The following ATRNL1 variants were observed in gnomAD, a reference collection of about 807,000 sequenced individuals.
ATRNL1 encodes attractin like 1.
Under a neutral mutation model 182.7 loss-of-function variants are expected in ATRNL1, and 95 were observed. That is an observed-to-expected ratio of 0.52 (90% CI 0.44 to 0.62). The LOEUF is 0.62. Ranked by LOEUF, ATRNL1 falls within the 20% of genes least tolerant of loss-of-function variation. The pLI, the probability that ATRNL1 is intolerant of heterozygous loss-of-function variation, is 0.00. For synonymous variants in ATRNL1, 576 were observed against 568.3 expected (o/e 1.01, Z -0.19); for missense variants, 1,471 against 1,679.5 (o/e 0.88, Z 2.17).
Position 115,426,998 on chromosome 10 carries a change from C to T in ATRNL1, c.3322+696C>T, listed in dbSNP as rs532410977. On this transcript the variant is annotated intron_variant, in intron 21 of 28. Coordinates refer to ENST00000355044, the MANE Select transcript of ATRNL1 (RefSeq NM_207303.4). ...TTGGCCTCCCAAAGTGCTGTGATTA[C>T]AGGCGTGAGCCACTGCACCTAGCTT... 5.9e-5 allele frequency among the ~76,000 whole-genome samples: 9 copies of T among 152,310 alleles called. No individual in the cohort carries two copies. The South Asian group carries it at 1.9e-3, about 32-fold the overall frequency.
At chr10:115,433,771 A>G (rs1554964402) in intron 21 of ATRNL1, among the ~76,000 whole-genome samples, 1 of 152,240 alleles carries the variant, frequency 6.6e-6, no homozygotes, top group Admixed American at 6.5e-5. Flanking sequence ...TAGAAGAAGG[A>G]TGAAAATTTA....
chr10:115,155,343 A>T lies in ATRNL1; in HGVS notation c.830-4697A>T, dbSNP rs192918439. Among the ~76,000 whole-genome samples, 3 of 152,152 alleles carry T rather than the reference A, an allele frequency of 2.0e-5. No individual in the cohort carries two copies. In the East Asian group the frequency reaches 5.8e-4, roughly 29 times the overall value. ...ATATATGGGGACTTAATTATACTTA[A>T]TTTTTTTGTGTATAAAATGAGAAGG... is the stretch of plus-strand genomic sequence containing the variant. On this transcript the variant is annotated intron_variant, in intron 5 of 28. Coordinates refer to ENST00000355044, the MANE Select transcript of ATRNL1 (RefSeq NM_207303.4).
At chr10:115,678,623 A>T (rs952121606) in intron 26 of ATRNL1, among the ~76,000 whole-genome samples, 2 of 152,140 alleles carry the variant, frequency 1.3e-5, no homozygotes, top group African/African-American at 4.8e-5. Context: ...AATAAGTATT[A>T]ACATTAAAGA....
rs1175207493 is a variant in ATRNL1, at chr10:115,215,677, G to A, written c.1349-20G>A. 2 of 1,545,088 alleles carry A rather than the reference G, an allele frequency of 1.3e-6. No homozygotes were observed. Among genetic ancestry groups the A allele is most frequent in the South Asian group, 2.6e-5 (2 of 78,368 alleles). On this transcript the variant is annotated intron_variant, in intron 8 of 28. Transcript: ENST00000355044. The stretch of plus-strand genomic sequence containing the variant: ...AAAAATACTACTTGAAATTTATAAT[G>A]TATTTTATTTCTGTTACAGCATCAA...
intron 27 of ATRNL1, among the ~76,000 whole-genome samples, chr10:115,800,813 A>G (rs1331489550): frequency 6.6e-6 from 1 of 152,214 alleles, no homozygotes; most frequent in African/African-American, 2.4e-5. Flanking sequence ...GAGGAGAGTC[A>G]TCACCAGAAC....
At chr10:115,540,544 G>A (rs1366852945) in intron 25 of ATRNL1, among the ~76,000 whole-genome samples, 1 of 151,998 alleles carries the variant, frequency 6.6e-6, no homozygotes, top group East Asian at 1.9e-4. Context: ...GGTGGATCAC[G>A]AGGTCAGGAG....
At chr10:115,115,852 A>G (rs1844461298) in intron 1 of ATRNL1, among the ~76,000 whole-genome samples, 1 of 152,104 alleles carries the variant, frequency 6.6e-6, no homozygotes, top group Non-Finnish European at 1.5e-5. Flanking sequence ...AGACAACAAC[A>G]TCCCACTAGA....
At chr10:115,527,834 C>G (rs987307773) in intron 25 of ATRNL1, among the ~76,000 whole-genome samples, 13 of 122,446 alleles carry the variant, frequency 1.1e-4, no homozygotes, top group Admixed American at 1.6e-4. Flanking sequence ...TCCTCCCTTC[C>G]TCCCTCCCTC....
intron 26 of ATRNL1, among the ~76,000 whole-genome samples, chr10:115,603,225 C>T (rs1555016593): frequency 6.6e-6 from 1 of 152,126 alleles, no homozygotes; most frequent in Non-Finnish European, 1.5e-5. Context: ...ACTGAAAATT[C>T]CAAGCTAATG....
At chr10:115,921,448 G>C (rs1953059202) in intron 28 of ATRNL1, among the ~76,000 whole-genome samples, 1 of 152,092 alleles carries the variant, frequency 6.6e-6, no homozygotes, top group African/African-American at 2.4e-5. Flanking sequence ...AAAAGATAAA[G>C]AAGAAAACTC....
intron 28 of ATRNL1, among the ~76,000 whole-genome samples, chr10:115,938,403 C>A (rs1266826829): frequency 6.6e-6 from 1 of 152,176 alleles, no homozygotes; most frequent in East Asian, 1.9e-4. Context: ...ATTGCTGTCT[C>A]TTCAGGTCAT....
At chr10:115,581,783 G>A (rs1855103329) in intron 26 of ATRNL1, among the ~76,000 whole-genome samples, 1 of 151,198 alleles carries the variant, frequency 6.6e-6, no homozygotes, top group Non-Finnish European at 1.5e-5. Flanking sequence ...TAGGGTACAT[G>A]TGCACAATGT....
At chr10:115,851,734 T>C (rs1951061558) in intron 28 of ATRNL1, among the ~76,000 whole-genome samples, 1 of 152,186 alleles carries the variant, frequency 6.6e-6, no homozygotes, top group Non-Finnish European at 1.5e-5. Context: ...GCTTCATTTC[T>C]GTATTTTCTG....
chr10:115,836,931 A>G (rs1395515876), intron 27 of ATRNL1, among the ~76,000 whole-genome samples: 2 of 152,124 alleles, frequency 1.3e-5, no homozygotes, highest in Non-Finnish European at 2.9e-5. Flanking sequence ...GGCGCCACCC[A>G]ATGACAGAAG....
chr10:115,760,717 CAG>C (rs1174125049), intron 27 of ATRNL1, among the ~76,000 whole-genome samples: 8 of 152,168 alleles, frequency 5.3e-5, no homozygotes, highest in Admixed American at 3.9e-4. Flanking sequence ...TTTCAGATGA[CAG>C]AAACAGATAG....
At chr10:115,834,438 C>G (rs1287807450) in intron 27 of ATRNL1, among the ~76,000 whole-genome samples, 2 of 152,152 alleles carry the variant, frequency 1.3e-5, no homozygotes, top group Non-Finnish European at 2.9e-5. Flanking sequence ...CTCAACAACT[C>G]TTCTTTTCTG....
chr10:115,865,046 A>C (rs1180545737), intron 28 of ATRNL1, among the ~76,000 whole-genome samples: 1 of 152,092 alleles, frequency 6.6e-6, no homozygotes, highest in Non-Finnish European at 1.5e-5. Context: ...AAACAAAACC[A>C]CCAAAACTCT....
At chr10:115,392,525 G>T (rs1184718929) in intron 19 of ATRNL1, among the ~76,000 whole-genome samples, 1 of 152,070 alleles carries the variant, frequency 6.6e-6, no homozygotes, top group Non-Finnish European at 1.5e-5. Flanking sequence ...TATTCCATAT[G>T]TTCTTTCATT....
intron 1 of ATRNL1, among the ~76,000 whole-genome samples, chr10:115,099,010 C>T (rs2085091743): frequency 6.6e-6 from 1 of 152,160 alleles, no homozygotes; most frequent in Non-Finnish European, 1.5e-5. Flanking sequence ...GCATCTGAAA[C>T]TGTCACCACA....
Sources: allele counts gnomAD v4.1 joint callset (sites outside exome capture counted in the v4.1 genomes callset), GRCh38; gene constraint gnomAD v4.1.1; transcripts MANE v1.5; gene names NCBI Gene and HGNC (gene_info 2026-07-23, HGNC 2026-07-21).